The following P2RX5 variants were observed in gnomAD, a reference collection of about 807,000 sequenced individuals.
P2RX5 encodes P2X purinoceptor 5.
P2RX5 carries 46 observed loss-of-function variants against 54.1 expected under a neutral mutation model. The observed-to-expected ratio is 0.85, with a 90% CI of 0.67 to 1.09. The LOEUF (loss-of-function observed/expected upper bound fraction) is 1.09, where lower values mean the gene tolerates loss of function less well. Among genes scored for constraint, P2RX5 ranks in the 50% least tolerant of loss-of-function variants. The pLI is 0.00. For missense variants in P2RX5, 566 were observed against 549.8 expected (o/e 1.03, Z -0.29); for synonymous variants, 226 against 226.4 (o/e 1.00, Z 0.02).
In P2RX5 at chr17:3,692,294, G is replaced by A. The variant is rs1003691552; in HGVS notation, c.138-500C>T. On this transcript the variant is annotated intron_variant, in intron 1 of 11. Coordinates refer to ENST00000225328, the MANE Select transcript of P2RX5 (RefSeq NM_002561.4). ...ATCGCACCACTGCACTCCAGCCTGG[G>A]CGACAGAGTGAGATTCTGTCTCAAA... Among the ~76,000 whole-genome samples the A allele has an allele frequency of 3.9e-5, 6 of 152,166 alleles. No individual in the cohort carries two copies. The South Asian group carries it at 1.2e-3, about 32-fold the overall frequency.
intron 1 of P2RX5, among the ~76,000 whole-genome samples, chr17:3,692,178 G>A (rs220485): frequency 0.85 from 128,465 of 150,736 alleles, 58,617 homozygotes; most frequent in East Asian, 1. Flanking sequence ...TTAGCCAGGC[G>A]TGGTGGTGGG....
In P2RX5 at chr17:3,688,834, C is replaced by T. The variant is rs1187148903; in HGVS notation, c.754-75G>A. On this transcript the variant is annotated intron_variant, in intron 7 of 11. Transcript: ENST00000225328. The stretch of plus-strand genomic sequence containing the variant: ...ACAGCATCCCAGGCCAGCCCTTCAC[C>T]GGCACTGGACAATAGGAGGAGGTGC... 1.6e-5 allele frequency: 24 copies of T among 1,530,808 alleles called. No homozygotes were observed. The African/African-American group carries it at 1.6e-4, about 10-fold the overall frequency. 94.8% of individuals were successfully genotyped at this position (1,530,808 alleles called of 1,614,324 possible).
intron 1 of P2RX5, among the ~76,000 whole-genome samples, chr17:3,694,542 A>AC (rs774018566): frequency 4.1e-4 from 62 of 152,244 alleles, no homozygotes; most frequent in Non-Finnish European, 6.9e-4. Flanking sequence ...ACTTAGTTAA[A>AC]TATGTCCTGC....
chr17:3,701,136 G>C (rs1016809014), upstream of P2RX5, among the ~76,000 whole-genome samples: 3 of 152,234 alleles, frequency 2.0e-5, no homozygotes, highest in African/African-American at 7.2e-5. Flanking sequence ...CCTTTGTCTA[G>C]TTCAAGCTTG....
At chr17:3,695,834 TC>T in intron 1 of P2RX5, 34 bp downstream of exon 1, 2 of 774,706 alleles carry the variant, frequency 2.6e-6, no homozygotes, top group South Asian at 1.3e-5. Flanking sequence ...GCCCTGCCCC[TC>T]CCCCGCCTTC....
intron 10 of P2RX5, among the ~76,000 whole-genome samples, chr17:3,680,102 AGC>A (rs1567730071): frequency 3.3e-5 from 3 of 91,548 alleles, no homozygotes; most frequent in African/African-American, 4.4e-5. Context: ...TCCTCCACCC[AGC>A]GTCCTCCACC....
At chr17:3,678,856 C>A in intron 11 of P2RX5, among the ~76,000 whole-genome samples, 1 of 152,202 alleles carries the variant, frequency 6.6e-6, no homozygotes, top group Non-Finnish European at 1.5e-5. Flanking sequence ...ACCTGCTCAC[C>A]GCACAGGTAC....
At chr17:3,711,446 G>C in the P2RX5 span, among the ~76,000 whole-genome samples, 30 of 130,174 alleles carry the variant, frequency 2.3e-4, no homozygotes, top group African/African-American at 7.9e-4. Flanking sequence ...GCAGTGGCGC[G>C]ATCTTGGCTC....
intron 10 of P2RX5, among the ~76,000 whole-genome samples, chr17:3,680,989 GTCCTCCACCCTGCA>G (rs1156776372): frequency 2.1e-4 from 25 of 120,094 alleles, no homozygotes; most frequent in South Asian, 5.7e-4. Context: ...TCCACCCAGT[GTCCTCCACCCTGCA>G]TCCTCCACCC....
Position 3,696,113 on chromosome 17 carries a change from C to CCCGGGGTGT in P2RX5, c.-109_-108insACACCCCGG. On this transcript the variant is annotated 5_prime_UTR_variant, in exon 1 of 12. Coordinates refer to ENST00000225328, the MANE Select transcript of P2RX5 (RefSeq NM_002561.4). ...CGGCGCCCGCCTCGGCCCGTCTGCG[C>CCCGGGGTGT]CCGCTCAGCTGCAGCCCGGGGTGTC... 1 of 1,250,354 alleles carries CCCGGGGTGT rather than the reference C, an allele frequency of 8.0e-7. No homozygotes were observed. The highest frequency in any genetic ancestry group is 1.1e-6 in the Non-Finnish European group (1 of 949,466). The allele number at this position is 1,250,354 out of a possible 1,614,324, so 77.5% of individuals were successfully genotyped here.
Position 3,673,700 on chromosome 17 carries a change from C to A in P2RX5, c.*168G>T, listed in dbSNP as rs2050033773. On this transcript the variant is annotated 3_prime_UTR_variant, in exon 12 of 12. Coordinates refer to ENST00000225328, the MANE Select transcript of P2RX5 (RefSeq NM_002561.4). ...CCGTCCTGATGACCCCAGCATCAGA[C>A]GTGGAGGTCACTTTGCTCTGTGATG... 2.6e-6 allele frequency: 4 copies of A among 1,560,616 alleles called. No individual in the cohort carries two copies. The highest frequency in any genetic ancestry group is 3.5e-6 in the Non-Finnish European group (4 of 1,154,268).
At chr17:3,703,906 G>C in the P2RX5 span, among the ~76,000 whole-genome samples, 1 of 152,178 alleles carries the variant, frequency 6.6e-6, no homozygotes. Flanking sequence ...TTCGAGACCA[G>C]CCTGACCAAC....
intron 11 of P2RX5, chr17:3,675,906 C>T: frequency 2.0e-6 from 2 of 985,350 alleles, no homozygotes; most frequent in Non-Finnish European, 2.4e-6. Flanking sequence ...GTTCCCTTCC[C>T]AGAAAACCCA....
intron 1 of P2RX5, 109 bp downstream of exon 1, chr17:3,695,760 G>T (rs548353518): frequency 7.1e-7 from 1 of 1,403,426 alleles, no homozygotes. Context: ...CCCAGCTACC[G>T]GGAAAACCGC....
the P2RX5 span, among the ~76,000 whole-genome samples, chr17:3,716,166 G>A: frequency 4.3e-5 from 5 of 115,044 alleles, no homozygotes; most frequent in East Asian, 2.2e-4. Context: ...GCGGAACTCC[G>A]TCTCAAAAAA....
chr17:3,714,718 T>C, the P2RX5 span: 1 of 575,914 alleles, frequency 1.7e-6, no homozygotes, highest in African/African-American at 1.9e-5. Context: ...CAATGTATGG[T>C]TAAAAACTAA....
chr17:3,696,736 G>A (rs1345656458), upstream of P2RX5, among the ~76,000 whole-genome samples: 1 of 152,184 alleles, frequency 6.6e-6, no homozygotes, highest in Non-Finnish European at 1.5e-5. Flanking sequence ...CACCGCGCAC[G>A]GCCGGGAAGA....
chr17:3,706,706 G>A, the P2RX5 span, among the ~76,000 whole-genome samples: 1 of 152,036 alleles, frequency 6.6e-6, no homozygotes, highest in Non-Finnish European at 1.5e-5. Flanking sequence ...CTGCCTCCCG[G>A]GTTCAAGTGA....
upstream of P2RX5, among the ~76,000 whole-genome samples, chr17:3,701,045 G>A (rs1437013037): frequency 6.6e-6 from 1 of 152,140 alleles, no homozygotes; most frequent in Non-Finnish European, 1.5e-5. Context: ...TCCCTGTAAT[G>A]AGTATAATCC....
Sources: allele counts gnomAD v4.1 joint callset (sites outside exome capture counted in the v4.1 genomes callset), GRCh38; gene constraint gnomAD v4.1.1; transcripts MANE v1.5; gene names NCBI Gene and HGNC (gene_info 2026-07-23, HGNC 2026-07-21).